Variants in THADA observed in about 807,000 individuals in gnomAD.
THADA encodes the protein THADA armadillo repeat containing, also known as tRNA (32-2'-O)-methyltransferase regulator THADA.
In THADA, 213 loss-of-function variants were observed where a neutral mutation model predicts 219.8. The ratio of observed to expected loss-of-function variants is 0.97; its 90% confidence interval spans 0.87 to 1.09. THADA has a LOEUF of 1.09. Among genes scored for constraint, THADA ranks in the 50% least tolerant of loss-of-function variants. The pLI is 0.00. For synonymous variants in THADA, 1,018 were observed against 828.9 expected (o/e 1.23, Z -3.92); for missense variants, 2,956 against 2,311.3 (o/e 1.28, Z -5.72).
At chr2:43,338,244 T>C (rs1573142159) in intron 30 of THADA, among the ~76,000 whole-genome samples, 1 of 149,206 alleles carries the variant, frequency 6.7e-6, no homozygotes, top group Admixed American at 6.7e-5. Context: ...GCAACTTCCA[T>C]CTCCCAGGTT....
chr2:43,378,746 C>A (rs1449033096), intron 29 of THADA, among the ~76,000 whole-genome samples: 1 of 152,158 alleles, frequency 6.6e-6, no homozygotes, highest in Admixed American at 6.5e-5. Flanking sequence ...GCTGGGATTA[C>A]AGGCACCCAA....
intron 28 of THADA, among the ~76,000 whole-genome samples, chr2:43,417,106 A>G (rs1185249440): frequency 2.0e-5 from 3 of 149,226 alleles, no homozygotes; most frequent in Non-Finnish European, 3.0e-5. Context: ...AAGAGAAACA[A>G]TCAAGTTACT....
intron 20 of THADA, among the ~76,000 whole-genome samples, chr2:43,543,641 T>C (rs1432633252): frequency 2.6e-5 from 4 of 152,262 alleles, no homozygotes; most frequent in African/African-American, 7.2e-5. Context: ...GTGAGCATTT[T>C]TTCATGTGTT....
chr2:43,322,524 G>C (rs1215014588), intron 30 of THADA, among the ~76,000 whole-genome samples: 1 of 147,794 alleles, frequency 6.8e-6, no homozygotes, highest in South Asian at 2.2e-4. Context: ...AAATAAATAG[G>C]TAACACATGC....
chr2:43,274,140 G>A (rs1023642692), intron 36 of THADA, among the ~76,000 whole-genome samples: 1 of 152,112 alleles, frequency 6.6e-6, no homozygotes, highest in Admixed American at 6.5e-5. Flanking sequence ...AGATAACCCA[G>A]GGGCATGGTC....
At chr2:43,531,701 T>C (rs1410525036) in intron 21 of THADA, among the ~76,000 whole-genome samples, 1 of 152,186 alleles carries the variant, frequency 6.6e-6, no homozygotes, top group Non-Finnish European at 1.5e-5. Context: ...CACTTTAAAA[T>C]GAAAACCTCT....
intron 28 of THADA, among the ~76,000 whole-genome samples, chr2:43,402,792 G>T (rs7607777): frequency 0.085 from 12,878 of 152,256 alleles, 589 homozygotes; most frequent in Non-Finnish European, 0.1. Context: ...CTGCTGCTGT[G>T]TAAGTGTGAC....
chr2:43,285,401 GCTCT>G (rs986201437), intron 35 of THADA, among the ~76,000 whole-genome samples: 1 of 151,822 alleles, frequency 6.6e-6, no homozygotes, highest in Non-Finnish European at 1.5e-5. Context: ...ACTTCTTCCT[GCTCT>G]CTCTCTCTCC....
intron 31 of THADA, among the ~76,000 whole-genome samples, chr2:43,304,019 A>G (rs549949226): frequency 6.6e-6 from 1 of 152,254 alleles, no homozygotes; most frequent in African/African-American, 2.4e-5. Context: ...CCACAGTGTA[A>G]ACATCTTGCC....
intron 13 of THADA, 71 bp downstream of exon 13, chr2:43,571,635 TG>T: frequency 6.7e-7 from 1 of 1,502,412 alleles, no homozygotes; most frequent in African/African-American, 1.4e-5. Flanking sequence ...TCCCAAAATC[TG>T]GGCTCTTTTT....
At chr2:43,377,261 T>C (rs1048680875) in intron 29 of THADA, among the ~76,000 whole-genome samples, 23 of 152,222 alleles carry the variant, frequency 1.5e-4, no homozygotes, top group Non-Finnish European at 7.3e-5. Context: ...TGCTCTTATA[T>C]GTGCCATTAC....
intron 29 of THADA, among the ~76,000 whole-genome samples, chr2:43,354,990 G>A (rs1008371755): frequency 5.9e-5 from 9 of 151,994 alleles, no homozygotes; most frequent in East Asian, 1.9e-4. Flanking sequence ...TTCCTTTTCC[G>A]CCATGATTGT....
intron 30 of THADA, among the ~76,000 whole-genome samples, chr2:43,328,930 T>C (rs1158512174): frequency 6.6e-6 from 1 of 152,174 alleles, no homozygotes; most frequent in Non-Finnish European, 1.5e-5. Flanking sequence ...GCCTCCAGAA[T>C]CCTCATATTT....
At position 43,551,776 on chromosome 2, in the gene THADA, T is replaced by C. The variant is rs1321940201; in HGVS notation, c.2947+13A>G. The stretch of plus-strand genomic sequence containing the variant: ...AACCACAGCACTCTAGCCGGCCTTC[T>C]TCATTTGCTAACCTGAATCAGTGTC... On this transcript the variant is annotated intron_variant, in intron 19 of 37. Coordinates refer to ENST00000405975, the MANE Select transcript of THADA (RefSeq NM_022065.5). The C allele has an allele frequency of 6.2e-7, 1 of 1,608,376 alleles. No individual in the cohort carries two copies. The highest frequency in any genetic ancestry group is 1.1e-5 in the South Asian group (1 of 89,682).
chr2:43,536,251 A>G (rs1307503650), intron 21 of THADA, among the ~76,000 whole-genome samples: 2 of 152,162 alleles, frequency 1.3e-5, no homozygotes, highest in Non-Finnish European at 2.9e-5. Context: ...ATCGAAAATC[A>G]GTTGGCGGTA....
chr2:43,452,668 T>G (rs1466197701), intron 26 of THADA, among the ~76,000 whole-genome samples: 1 of 152,170 alleles, frequency 6.6e-6, no homozygotes, highest in Non-Finnish European at 1.5e-5. Flanking sequence ...CAGGTTAGAT[T>G]AAGGTTCCTC....
chr2:43,284,829 C>G (rs950132485), intron 35 of THADA, among the ~76,000 whole-genome samples: 2 of 152,246 alleles, frequency 1.3e-5, no homozygotes, highest in Admixed American at 1.3e-4. Flanking sequence ...AGGGGCAGAG[C>G]TGCACAAGGC....
At chr2:43,545,829 T>G (rs1227192800) in intron 20 of THADA, among the ~76,000 whole-genome samples, 1 of 152,170 alleles carries the variant, frequency 6.6e-6, no homozygotes, top group African/African-American at 2.4e-5. Context: ...AACCAGCTCC[T>G]GGATTCATTA....
At chr2:43,478,385 A>T (rs1424086104) in intron 26 of THADA, among the ~76,000 whole-genome samples, 1 of 152,218 alleles carries the variant, frequency 6.6e-6, no homozygotes, top group African/African-American at 2.4e-5. Flanking sequence ...TTTGGAAAAT[A>T]GCTCAGTGGT....
Sources: allele counts gnomAD v4.1 joint callset (sites outside exome capture counted in the v4.1 genomes callset), GRCh38; gene constraint gnomAD v4.1.1; transcripts MANE v1.5; gene names NCBI Gene and HGNC (gene_info 2026-07-23, HGNC 2026-07-21).